Variants in SAMD12 observed in about 807,000 individuals in gnomAD.
SAMD12 encodes sterile alpha motif domain-containing protein 12.
A neutral mutation model predicts 15.0 loss-of-function variants in SAMD12; 9 were observed. That is an observed-to-expected ratio of 0.60 (90% confidence interval 0.36 to 1.05). SAMD12 has a LOEUF of 1.05. Ranked by LOEUF, SAMD12 falls within the 50% of genes least tolerant of loss-of-function variation. The pLI, the probability that SAMD12 is intolerant of heterozygous loss-of-function variation, is 0.01. For synonymous variants in SAMD12, 86 were observed against 90.1 expected (o/e 0.96, Z 0.25); for missense variants, 230 against 234.2 (o/e 0.98, Z 0.12).
chr8:118,477,286 G>A (rs754967496), intron 2 of SAMD12, among the ~76,000 whole-genome samples: 4 of 151,906 alleles, frequency 2.6e-5, no homozygotes, highest in Admixed American at 6.5e-5. Context: ...GGCTGGTCTC[G>A]AACTCCTGAC....
At chr8:118,446,491 T>C (rs1199062023) in intron 2 of SAMD12, among the ~76,000 whole-genome samples, 1 of 152,122 alleles carries the variant, frequency 6.6e-6, no homozygotes, top group East Asian at 1.9e-4. Flanking sequence ...AAAATGTCAA[T>C]CTCCTAATTT....
At chr8:118,566,977 T>A (rs545838494) in intron 2 of SAMD12, among the ~76,000 whole-genome samples, 1 of 152,192 alleles carries the variant, frequency 6.6e-6, no homozygotes, top group East Asian at 1.9e-4. Flanking sequence ...AATATATACA[T>A]GTTTTTTCCA....
At chr8:118,312,348 C>T (rs1365732598) in intron 4 of SAMD12, among the ~76,000 whole-genome samples, 1 of 152,182 alleles carries the variant, frequency 6.6e-6, no homozygotes, top group East Asian at 1.9e-4. Context: ...TAGACAAAAT[C>T]TGTCAGTTCC....
intron 1 of SAMD12, among the ~76,000 whole-genome samples, chr8:118,608,342 G>A (rs953455216): frequency 6.6e-6 from 1 of 151,844 alleles, no homozygotes; most frequent in Admixed American, 6.6e-5. Context: ...ACCACTGGCT[G>A]TCTCTGCTTG....
intron 4 of SAMD12, among the ~76,000 whole-genome samples, chr8:118,295,898 G>GC (rs967926722): frequency 3.9e-5 from 6 of 152,062 alleles, no homozygotes. Context: ...TCTCATCTTG[G>GC]CCTCCCAAAG....
intron 3 of SAMD12, among the ~76,000 whole-genome samples, chr8:118,401,541 C>CTTCTT (rs1554651801): frequency 7.1e-6 from 1 of 140,256 alleles, no homozygotes; most frequent in East Asian, 2.1e-4. Flanking sequence ...CCTTCTTCTT[C>CTTCTT]TTTTTTTTTT....
chr8:118,309,380 ATGTGTG>A (rs35576833), intron 4 of SAMD12, among the ~76,000 whole-genome samples: 14 of 143,896 alleles, frequency 9.7e-5, no homozygotes, highest in Non-Finnish European at 1.6e-4. Flanking sequence ...TGAGATATAT[ATGTGTG>A]TGTGTGTGTG....
intron 4 of SAMD12, among the ~76,000 whole-genome samples, chr8:118,367,901 T>C (rs3802189): frequency 0.22 from 33,964 of 152,172 alleles, 3,960 homozygotes; most frequent in South Asian, 0.27. Flanking sequence ...CATGAGTCCA[T>C]GTCAAGCCTT....
intron 1 of SAMD12, among the ~76,000 whole-genome samples, chr8:118,619,321 C>G (rs560359573): frequency 6.6e-6 from 1 of 151,768 alleles, no homozygotes; most frequent in East Asian, 1.9e-4. Context: ...ACTAAAAATA[C>G]CAAAAAAATT....
the SAMD12 span, among the ~76,000 whole-genome samples, chr8:118,157,165 T>A: frequency 6.6e-6 from 1 of 152,256 alleles, no homozygotes; most frequent in African/African-American, 2.4e-5. Flanking sequence ...AATCAAAACT[T>A]GAAAATGGTA....
intron 1 of SAMD12, among the ~76,000 whole-genome samples, chr8:118,590,961 T>C (rs566871060): frequency 6.6e-6 from 1 of 152,014 alleles, no homozygotes; most frequent in East Asian, 1.9e-4. Context: ...AATAACCAAA[T>C]GGAAATGTTA....
chr8:118,387,918 G>C (rs1375815931), intron 3 of SAMD12, among the ~76,000 whole-genome samples: 1 of 152,154 alleles, frequency 6.6e-6, no homozygotes, highest in Non-Finnish European at 1.5e-5. Flanking sequence ...GTCTCTGAAA[G>C]TAGCCATCAA....
At chr8:118,217,299 G>C (rs1811987376) in intron 4 of SAMD12, among the ~76,000 whole-genome samples, 1 of 152,160 alleles carries the variant, frequency 6.6e-6, no homozygotes, top group Admixed American at 6.5e-5. Context: ...ACTGCGCCCG[G>C]GCCTGGTCTC....
chr8:118,404,370 C>T (rs1586673607), intron 3 of SAMD12, among the ~76,000 whole-genome samples: 3 of 152,236 alleles, frequency 2.0e-5, no homozygotes. Context: ...AAATTCTTGG[C>T]CTCCTGAAGA....
chr8:118,461,216 G>A (rs1217698842), intron 2 of SAMD12, among the ~76,000 whole-genome samples: 1 of 152,058 alleles, frequency 6.6e-6, no homozygotes, highest in Non-Finnish European at 1.5e-5. Context: ...GTATTTTGTG[G>A]GTACACACAG....
chr8:118,205,136 G>T (rs1819826377), intron 4 of SAMD12, among the ~76,000 whole-genome samples: 1 of 152,200 alleles, frequency 6.6e-6, no homozygotes, highest in East Asian at 1.9e-4. Flanking sequence ...CACTCTTTCT[G>T]CCTGACTGCC....
intron 3 of SAMD12, among the ~76,000 whole-genome samples, chr8:118,420,470 A>G (rs1021118114): frequency 2.0e-5 from 3 of 152,228 alleles, no homozygotes. Context: ...ATAACTGCAA[A>G]CAGTCAAATA....
chr8:118,534,236 C>A (rs372452245), intron 2 of SAMD12, among the ~76,000 whole-genome samples: 9,542 of 152,026 alleles, frequency 0.063, 354 homozygotes, highest in South Asian at 0.13. Context: ...TTCTGGGTTG[C>A]AAATTCTTTT....
downstream of SAMD12, among the ~76,000 whole-genome samples, chr8:118,187,667 T>G (rs1819266829): frequency 6.6e-6 from 1 of 152,174 alleles, no homozygotes; most frequent in Non-Finnish European, 1.5e-5. Context: ...AATGCTGAGA[T>G]GACAGGAAGG....
Sources: allele counts gnomAD v4.1 joint callset (sites outside exome capture counted in the v4.1 genomes callset), GRCh38; gene constraint gnomAD v4.1.1; transcripts MANE v1.5; gene names NCBI Gene and HGNC (gene_info 2026-07-23, HGNC 2026-07-21).